Variants in UNC5D observed in about 807,000 individuals in gnomAD.
UNC5D encodes netrin receptor UNC5D.
A neutral mutation model predicts 105.4 loss-of-function variants in UNC5D; 39 were observed. That is an observed-to-expected ratio of 0.37 (90% CI 0.29 to 0.48). UNC5D has a LOEUF of 0.48. UNC5D is among the 20% of genes least tolerant of loss of function. UNC5D has a pLI of 0.98. For missense variants in UNC5D, 991 were observed against 1,202.4 expected (o/e 0.82, Z 2.60); for synonymous variants, 452 against 450.4 (o/e 1.00, Z -0.04).
intron 16 of UNC5D, among the ~76,000 whole-genome samples, chr8:35,785,916 C>T (rs571052214): frequency 2.0e-5 from 3 of 152,220 alleles, no homozygotes; most frequent in African/African-American, 4.8e-5. Flanking sequence ...TCTTCCTGGA[C>T]GTCACCTAAG....
At chr8:35,599,661 T>C (rs1043684843) in intron 4 of UNC5D, among the ~76,000 whole-genome samples, 2 of 152,170 alleles carry the variant, frequency 1.3e-5, no homozygotes, top group African/African-American at 4.8e-5. Context: ...ATTTTGGCTT[T>C]GTTTTGTTTT....
intron 1 of UNC5D, among the ~76,000 whole-genome samples, chr8:35,266,588 A>G (rs902893704): frequency 2.0e-5 from 3 of 152,224 alleles, no homozygotes; most frequent in African/African-American, 7.2e-5. Flanking sequence ...GGCATAAGAC[A>G]TCCATTTTAT....
intron 13 of UNC5D, among the ~76,000 whole-genome samples, chr8:35,756,567 A>AT (rs199927310): frequency 2.7e-5 from 4 of 149,164 alleles, no homozygotes; most frequent in African/African-American, 1.0e-4. Flanking sequence ...AAAAAAAAAA[A>AT]GAAAAAAAGA....
At chr8:35,620,240 T>G (rs1412741410) in intron 4 of UNC5D, among the ~76,000 whole-genome samples, 1 of 152,182 alleles carries the variant, frequency 6.6e-6, no homozygotes, top group Admixed American at 6.6e-5. Context: ...CATTTACCAG[T>G]AACTTTGATC....
At position 35,458,510 on chromosome 8, in the gene UNC5D, T is replaced by C. The variant is rs1303986336; in HGVS notation, c.104-90782T>C. ...AACAAAGAATCTTTAATTAATAGCA[T>C]CTAAAGGAAAGCAAGAGAAAAGAAA... On this transcript the variant is annotated intron_variant, in intron 1 of 16. Coordinates refer to ENST00000404895, the MANE Select transcript of UNC5D (RefSeq NM_080872.4). Among the ~76,000 whole-genome samples, 4 of 151,978 alleles carry C rather than the reference T, an allele frequency of 2.6e-5. No individual in the cohort carries two copies. The South Asian group carries it at 6.2e-4, about 24-fold the overall frequency.
intron 1 of UNC5D, among the ~76,000 whole-genome samples, chr8:35,253,460 G>C (rs114774723): frequency 0.015 from 2,040 of 139,286 alleles, 56 homozygotes; most frequent in African/African-American, 0.051. Flanking sequence ...GTTTGGAGTA[G>C]AGATTTTATT....
intron 1 of UNC5D, among the ~76,000 whole-genome samples, chr8:35,494,506 AT>A (rs1445212028): frequency 1.3e-5 from 2 of 152,220 alleles, no homozygotes; most frequent in African/African-American, 4.8e-5. Flanking sequence ...AAGTAGTATT[AT>A]ATTCATTTTA....
intron 1 of UNC5D, among the ~76,000 whole-genome samples, chr8:35,336,250 A>G (rs1255635562): frequency 6.6e-6 from 1 of 152,172 alleles, no homozygotes; most frequent in East Asian, 1.9e-4. Context: ...ATTGAAAGCT[A>G]AAACCAGTTT....
chr8:35,536,762 C>G (rs896538504), intron 1 of UNC5D, among the ~76,000 whole-genome samples: 2 of 152,132 alleles, frequency 1.3e-5, no homozygotes, highest in Admixed American at 6.6e-5. Context: ...CTTTGGGAGG[C>G]TGAGGTGGGC....
At chr8:35,567,719 C>G (rs1481342995) in intron 2 of UNC5D, among the ~76,000 whole-genome samples, 1 of 152,140 alleles carries the variant, frequency 6.6e-6, no homozygotes, top group African/African-American at 2.4e-5. Flanking sequence ...GCACTTAGAA[C>G]AACTTGGAAC....
intron 14 of UNC5D, among the ~76,000 whole-genome samples, chr8:35,759,873 C>T (rs1160334566): frequency 6.6e-6 from 1 of 152,056 alleles, no homozygotes; most frequent in Non-Finnish European, 1.5e-5. Flanking sequence ...TGAGGAACTT[C>T]TTAAGGGTGA....
chr8:35,719,132 A>T (rs2131522238), intron 8 of UNC5D, among the ~76,000 whole-genome samples: 1 of 131,304 alleles, frequency 7.6e-6, no homozygotes, highest in East Asian at 2.4e-4. Flanking sequence ...TTACATGCAC[A>T]TGTGCTTATA....
At chr8:35,429,584 A>T (rs1437945163) in intron 1 of UNC5D, among the ~76,000 whole-genome samples, 1 of 152,312 alleles carries the variant, frequency 6.6e-6, no homozygotes, top group African/African-American at 2.4e-5. Context: ...ACTAGAGGAA[A>T]TGAGTTATTT....
At chr8:35,503,219 G>A (rs1812082842) in intron 1 of UNC5D, among the ~76,000 whole-genome samples, 1 of 152,108 alleles carries the variant, frequency 6.6e-6, no homozygotes, top group African/African-American at 2.4e-5. Flanking sequence ...CACATAGTCG[G>A]TGTATTAGTC....
At chr8:35,718,850 G>A (rs1006125085) in intron 8 of UNC5D, among the ~76,000 whole-genome samples, 8 of 152,064 alleles carry the variant, frequency 5.3e-5, no homozygotes, top group African/African-American at 1.9e-4. Context: ...ATGTTACACT[G>A]ACCACTACAT....
intron 4 of UNC5D, among the ~76,000 whole-genome samples, chr8:35,664,004 A>G (rs1824271265): frequency 6.6e-6 from 1 of 152,180 alleles, no homozygotes; most frequent in South Asian, 2.1e-4. Flanking sequence ...AAAACTGGTT[A>G]CAGTCCTATC....
rs141075766 is a variant in UNC5D, at chr8:35,623,531, G to A, written c.570+27874G>A. Reference sequence around the variant, plus strand: ...TTGCAGCCGCACAGAAGACGACCTTGCCATTGCATGGCCTCTCTCCCTCGG... The same window carrying A: ...TTGCAGCCGCACAGAAGACGACCTTACCATTGCATGGCCTCTCTCCCTCGG... On this transcript the variant is annotated intron_variant, in intron 4 of 16. Transcript: ENST00000404895. 1.8e-3 allele frequency among the ~76,000 whole-genome samples: 274 copies of A among 152,190 alleles called. 12 individuals carry two copies. The East Asian group carries it at 0.041, about 23-fold the overall frequency.
chr8:35,667,630 C>A (rs1586376294), intron 4 of UNC5D, among the ~76,000 whole-genome samples: 2 of 152,134 alleles, frequency 1.3e-5, no homozygotes, highest in Admixed American at 6.6e-5. Flanking sequence ...GAAGAACATA[C>A]CAATCACCAA....
rs1802407377 is a variant in UNC5D at position 35,235,669 on chromosome 8, C to G, written c.-116C>G. 1.3e-6 allele frequency: 1 copy of G among 754,748 alleles called. No homozygotes were observed. The highest frequency in any genetic ancestry group is 1.8e-6 in the Non-Finnish European group (1 of 554,574). 46.8% of individuals were successfully genotyped at this position (754,748 alleles called of 1,614,324 possible). On this transcript the variant is annotated 5_prime_UTR_variant, in exon 1 of 17. Coordinates refer to ENST00000404895, the MANE Select transcript of UNC5D (RefSeq NM_080872.4). ...GCTGCTTTAGGAAGCGATCGTGGAGCAGAGTCACTCTCTGAAGACTCCCGA... is the reference window on the plus strand; with the variant it reads ...GCTGCTTTAGGAAGCGATCGTGGAGGAGAGTCACTCTCTGAAGACTCCCGA...
Sources: gnomAD v4.1 joint callset for allele counts (sites outside exome capture counted in the v4.1 genomes callset) on GRCh38, gnomAD v4.1.1 for gene constraint, MANE v1.5 for transcripts, NCBI Gene and HGNC (gene_info 2026-07-23, HGNC 2026-07-21) for gene names.